IL1RAPL1: variants seen among roughly 807,000 people sequenced by gnomAD.
IL1RAPL1 encodes the protein interleukin 1 receptor accessory protein like 1.
Under a neutral mutation model 48.4 loss-of-function variants are expected in IL1RAPL1, and 3 were observed. The ratio of observed to expected loss-of-function variants is 0.06; its 90% CI spans 0.03 to 0.16. The LOEUF (loss-of-function observed/expected upper bound fraction) is 0.16. IL1RAPL1 is among the 10% of genes least tolerant of loss of function. The pLI, the probability that IL1RAPL1 is intolerant of heterozygous loss-of-function variation, is 1.00. For synonymous variants in IL1RAPL1, 185 were observed against 187.7 expected (o/e 0.99, Z 0.12); for missense variants, 349 against 530.6 (o/e 0.66, Z 3.36).
intron 2 of IL1RAPL1, among the ~76,000 whole-genome samples, chrX:28,908,386 C>A (rs1389598428): frequency 9.0e-6 from 1 of 111,225 alleles, no homozygotes; most frequent in Non-Finnish European, 1.9e-5. Context: ...AAGTTTTGGT[C>A]AGTTGTATTT....
intron 5 of IL1RAPL1, among the ~76,000 whole-genome samples, chrX:29,535,549 T>C (rs1306968890): frequency 8.9e-6 from 1 of 111,945 alleles, no homozygotes; most frequent in Non-Finnish European, 1.9e-5. Flanking sequence ...CTGTAAATTG[T>C]TGGAAATTTT....
chrX:29,275,206 C>T, intron 2 of IL1RAPL1, among the ~76,000 whole-genome samples: 1 of 111,884 alleles, frequency 8.9e-6, no homozygotes, highest in East Asian at 2.8e-4. Context: ...TTTGTAGTAA[C>T]GCAGATCCTT....
At chrX:29,201,336 A>G (rs1266189938) in intron 2 of IL1RAPL1, among the ~76,000 whole-genome samples, 1 of 111,827 alleles carries the variant, frequency 8.9e-6, no homozygotes, top group Admixed American at 9.5e-5. Context: ...TTAAATTTCT[A>G]AAATAAAATT....
chrX:29,182,018 G>A (rs957620830), intron 2 of IL1RAPL1, among the ~76,000 whole-genome samples: 1 of 111,295 alleles, frequency 9.0e-6, no homozygotes, highest in East Asian at 2.8e-4. Flanking sequence ...ATGACTGATG[G>A]CTCTGGCCTC....
rs1925534797 is a variant in IL1RAPL1, at chrX:28,988,759, G to T, written c.82+199334G>T. Reference sequence around the variant, plus strand: ...AACATCACTGTGGGTAAATTATTATGAAAGATACTTCTAGAAATTCAAGAT... The same window carrying T: ...AACATCACTGTGGGTAAATTATTATTAAAGATACTTCTAGAAATTCAAGAT... On this transcript the variant is annotated intron_variant, in intron 2 of 10. Transcript: ENST00000378993. Among the ~76,000 whole-genome samples, 4 of 111,825 alleles carry T rather than the reference G, an allele frequency of 3.6e-5. No homozygotes were observed. The South Asian group carries it at 1.1e-3, about 31-fold the overall frequency.
intron 3 of IL1RAPL1, among the ~76,000 whole-genome samples, chrX:29,310,262 C>T (rs1436740246): frequency 9.1e-6 from 1 of 109,309 alleles, no homozygotes; most frequent in Non-Finnish European, 1.9e-5. Flanking sequence ...CATGTGCTCA[C>T]ACTATATCCG....
At position 29,006,515 on chromosome X, in the gene IL1RAPL1, GA is replaced by G. The variant is rs749949798; in HGVS notation, c.82+217106del. 4.2e-3 allele frequency among the ~76,000 whole-genome samples: 379 copies of G among 90,998 alleles called. 1 individual carries two copies. Among genetic ancestry groups the G allele is most frequent in the Middle Eastern group, 0.017 (3 of 181 alleles). 79.0% of individuals were successfully genotyped at this position (90,998 alleles called of 115,157 possible). A position where few individuals can be genotyped will look rare whatever the true frequency, so the allele number is the denominator to read the frequency against. On this transcript the variant is annotated intron_variant, in intron 2 of 10. Transcript: ENST00000378993. ...GGCAACAAGAGCAAAACGCCGTCTG[GA>G]AAAAAAAAAAAAAAATCCCACACCT...
intron 1 of IL1RAPL1, among the ~76,000 whole-genome samples, chrX:28,744,642 A>C (rs1405088410): frequency 1.8e-5 from 2 of 112,082 alleles, no homozygotes; most frequent in African/African-American, 3.2e-5. Flanking sequence ...ATAGAGAACT[A>C]TTCTAGGCAC....
intron 2 of IL1RAPL1, among the ~76,000 whole-genome samples, chrX:29,055,552 G>T (rs904489903): frequency 9.0e-6 from 1 of 111,483 alleles, no homozygotes; most frequent in East Asian, 2.8e-4. Flanking sequence ...TATTGAGTGC[G>T]CTATACTAAA....
At chrX:28,778,182 T>G (rs2147260008) in intron 1 of IL1RAPL1, among the ~76,000 whole-genome samples, 1 of 111,823 alleles carries the variant, frequency 8.9e-6, no homozygotes, top group Non-Finnish European at 1.9e-5. Context: ...AAAATAAAAC[T>G]AAAAAATTTG....
At chrX:28,985,920 G>A (rs979454814) in intron 2 of IL1RAPL1, among the ~76,000 whole-genome samples, 14 of 110,852 alleles carry the variant, frequency 1.3e-4, no homozygotes, top group Admixed American at 2.9e-4. Flanking sequence ...CGGCCTCCCA[G>A]AGTGCTGGGA....
At chrX:28,661,277 G>A (rs1190783366) in intron 1 of IL1RAPL1, among the ~76,000 whole-genome samples, 1 of 111,841 alleles carries the variant, frequency 8.9e-6, no homozygotes, top group African/African-American at 3.2e-5. Context: ...ATAAAATTCA[G>A]CTGAGGGTAA....
Position 29,435,130 on chromosome X carries a change from G to A in IL1RAPL1, c.703+35822G>A, listed in dbSNP as rs529831299. ...CATACGTACTGTAGCATTTATCAGC[G>A]CTCTATTCCTTTTCATGGTTAAATA... On this transcript the variant is annotated intron_variant, in intron 5 of 10. Transcript: ENST00000378993. 8.6e-4 allele frequency among the ~76,000 whole-genome samples: 95 copies of A among 111,010 alleles called. No homozygotes were observed. In the South Asian group the frequency reaches 0.03, roughly 35 times the overall value.
intron 1 of IL1RAPL1, among the ~76,000 whole-genome samples, chrX:28,735,874 C>T (rs751981027): frequency 9.0e-6 from 1 of 111,236 alleles, no homozygotes; most frequent in Non-Finnish European, 1.9e-5. Context: ...CTTCAAAAGA[C>T]ATTTTTTAGT....
intron 5 of IL1RAPL1, among the ~76,000 whole-genome samples, chrX:29,491,045 G>T (rs1935155222): frequency 9.0e-6 from 1 of 111,364 alleles, no homozygotes; most frequent in South Asian, 3.7e-4. Flanking sequence ...AGAAATTAAA[G>T]AAATCAGAAC....
intron 6 of IL1RAPL1, among the ~76,000 whole-genome samples, chrX:29,834,446 A>G (rs1279560551): frequency 9.1e-6 from 1 of 110,040 alleles, no homozygotes; most frequent in African/African-American, 3.3e-5. Flanking sequence ...ATCACAGCAC[A>G]ACCTCTCAAC....
chrX:29,835,815 C>T (rs968866302), intron 6 of IL1RAPL1, among the ~76,000 whole-genome samples: 10 of 105,571 alleles, frequency 9.5e-5, no homozygotes, highest in Middle Eastern at 4.5e-3. Flanking sequence ...TCTTATAATA[C>T]GTTGTATTTC....
intron 6 of IL1RAPL1, among the ~76,000 whole-genome samples, chrX:29,803,565 A>G (rs886480633): frequency 2.0e-5 from 2 of 101,452 alleles, no homozygotes; most frequent in Non-Finnish European, 4.0e-5. Flanking sequence ...ATATATGTAT[A>G]TATGTATACA....
chrX:28,610,405 A>G (rs761538573), intron 1 of IL1RAPL1, among the ~76,000 whole-genome samples: 2 of 112,033 alleles, frequency 1.8e-5, no homozygotes, highest in African/African-American at 3.2e-5. Flanking sequence ...CTGTAGGCAT[A>G]TAAGTGGTGA....
Sources: allele counts gnomAD v4.1 joint callset (sites outside exome capture counted in the v4.1 genomes callset), GRCh38; gene constraint gnomAD v4.1.1; transcripts MANE v1.5; gene names NCBI Gene and HGNC (gene_info 2026-07-23, HGNC 2026-07-21).